ZFR: variants seen among roughly 807,000 people sequenced by gnomAD.
ZFR encodes zinc finger RNA binding protein.
ZFR carries 19 observed loss-of-function variants against 130.7 expected under a neutral mutation model. That is an observed-to-expected ratio of 0.15 (90% CI 0.10 to 0.21). ZFR has a LOEUF of 0.21. Ranked by LOEUF, ZFR falls within the 10% of genes least tolerant of loss-of-function variation. The pLI is 1.00. For missense variants in ZFR, 872 were observed against 1,321.5 expected (o/e 0.66, Z 5.27); for synonymous variants, 466 against 456.9 (o/e 1.02, Z -0.25).
intron 2 of ZFR, among the ~76,000 whole-genome samples, chr5:32,444,005 C>A (rs1438348078): frequency 6.6e-6 from 1 of 151,124 alleles, no homozygotes; most frequent in Non-Finnish European, 1.5e-5. Flanking sequence ...GCCGTCTCTA[C>A]CTCCCCCCTA....
At chr5:32,413,526 A>G (rs1236506531) in intron 5 of ZFR, among the ~76,000 whole-genome samples, 1 of 151,922 alleles carries the variant, frequency 6.6e-6, no homozygotes, top group African/African-American at 2.4e-5. Context: ...ATAAATAATA[A>G]TATATTACTC....
chr5:32,432,297 C>G (rs1022060634), intron 2 of ZFR, among the ~76,000 whole-genome samples: 4 of 152,132 alleles, frequency 2.6e-5, no homozygotes, highest in African/African-American at 9.7e-5. Flanking sequence ...ATATACCTTT[C>G]AGGGCAATAC....
At chr5:32,362,359 A>G (rs1460527366) in intron 19 of ZFR, among the ~76,000 whole-genome samples, 1 of 152,214 alleles carries the variant, frequency 6.6e-6, no homozygotes, top group African/African-American at 2.4e-5. Context: ...GTGGCATACA[A>G]GAATAAAGGT....
Position 32,387,538 on chromosome 5 carries a change from A to G in ZFR, c.2499+11T>C, listed in dbSNP as rs1186118933. On this transcript the variant is annotated intron_variant, in intron 14 of 19. Coordinates refer to ENST00000265069, the MANE Select transcript of ZFR (RefSeq NM_016107.5). ...ACAAGGGGTAAAAATGAACATTTCC[A>G]TAATACTTACAGCAAGCTGTTTGGG... The G allele has an allele frequency of 8.1e-6, 13 of 1,611,150 alleles. No homozygotes were observed. Among genetic ancestry groups the G allele is most frequent in the Non-Finnish European group, 1.1e-5 (13 of 1,178,728 alleles).
At chr5:32,400,660 TG>T (rs1196011197) in intron 8 of ZFR, among the ~76,000 whole-genome samples, 1 of 152,146 alleles carries the variant, frequency 6.6e-6, no homozygotes, top group East Asian at 1.9e-4. Context: ...CCTAGAAGTT[TG>T]AGACCAGCCG....
chr5:32,361,275 C>T (rs1752425195), intron 19 of ZFR, among the ~76,000 whole-genome samples: 1 of 152,308 alleles, frequency 6.6e-6, no homozygotes, highest in African/African-American at 2.4e-5. Context: ...AATTTTGGCT[C>T]ATACACCTGC....
At chr5:32,408,596 C>T (rs967146526) in intron 5 of ZFR, among the ~76,000 whole-genome samples, 16 of 152,116 alleles carry the variant, frequency 1.1e-4, no homozygotes, top group Non-Finnish European at 1.8e-4. Flanking sequence ...AAAATTTAAA[C>T]TATACATGTT....
At chr5:32,416,887 T>C (rs1753838734) in intron 4 of ZFR, among the ~76,000 whole-genome samples, 1 of 147,220 alleles carries the variant, frequency 6.8e-6, no homozygotes, top group Admixed American at 7.0e-5. Context: ...CCTTCAAAAA[T>C]AATTAAAGGA....
chr5:32,388,443 C>T (rs1310529921), intron 13 of ZFR, 26 bp downstream of exon 13: 6 of 1,604,884 alleles, frequency 3.7e-6, no homozygotes, highest in African/African-American at 1.3e-5. Context: ...CAAAATTACA[C>T]ATGGTAAATA....
At chr5:32,425,748 A>G (rs1366794439) in intron 2 of ZFR, among the ~76,000 whole-genome samples, 1 of 152,102 alleles carries the variant, frequency 6.6e-6, no homozygotes, top group Non-Finnish European at 1.5e-5. Context: ...CTGGTCTCAA[A>G]CTCCTGACCT....
At chr5:32,361,412 T>G (rs1752427768) in intron 19 of ZFR, among the ~76,000 whole-genome samples, 1 of 152,196 alleles carries the variant, frequency 6.6e-6, no homozygotes, top group African/African-American at 2.4e-5. Flanking sequence ...ATAAGACTGT[T>G]AACTTCCCAG....
intron 19 of ZFR, among the ~76,000 whole-genome samples, chr5:32,356,935 AC>A (rs1752329522): frequency 1.3e-5 from 2 of 152,218 alleles, no homozygotes; most frequent in African/African-American, 4.8e-5. Context: ...CCTTCTGGAT[AC>A]TATAAACAGA....
intron 9 of ZFR, 128 bp from the exon 10 acceptor site, chr5:32,397,466 T>C (rs1319167554): frequency 1.6e-6 from 2 of 1,234,680 alleles, no homozygotes; most frequent in African/African-American, 3.0e-5. Context: ...CATTTTTTTT[T>C]TCCCCAGGAC....
intron 2 of ZFR, among the ~76,000 whole-genome samples, chr5:32,443,634 T>C (rs1430868228): frequency 6.6e-6 from 1 of 152,254 alleles, no homozygotes; most frequent in Non-Finnish European, 1.5e-5. Context: ...CACCCGCAGT[T>C]TGTCAGCAGG....
rs148192564 is a variant in ZFR at position 32,405,991 on chromosome 5, G to A, written c.1032+783C>T. On this transcript the variant is annotated intron_variant, in intron 6 of 19. Transcript: ENST00000265069. ...TGAGAGATGGATATAACTTGGAGAA[G>A]CTAGTAGAGAGTCAAAATTGGTTGT... Among the ~76,000 whole-genome samples the A allele has an allele frequency of 2.3e-3, 347 of 152,288 alleles. 3 individuals carry two copies. The highest frequency in any genetic ancestry group is 7.6e-3 in the African/African-American group (317 of 41,558).
chr5:32,396,425 C>T (rs898589430), intron 10 of ZFR, among the ~76,000 whole-genome samples: 11 of 151,764 alleles, frequency 7.2e-5, no homozygotes, highest in Non-Finnish European at 1.5e-4. Context: ...GGATCTAGTA[C>T]ATCAATCTAG....
At chr5:32,390,791 G>C (rs1753150687) in intron 11 of ZFR, among the ~76,000 whole-genome samples, 1 of 152,172 alleles carries the variant, frequency 6.6e-6, no homozygotes, top group Non-Finnish European at 1.5e-5. Context: ...TCAACATTTG[G>C]GAATTTTCTT....
At chr5:32,436,819 T>TA (rs756489290) in intron 2 of ZFR, among the ~76,000 whole-genome samples, 1 of 152,202 alleles carries the variant, frequency 6.6e-6, no homozygotes, top group Non-Finnish European at 1.5e-5. Context: ...ATGGAGAATG[T>TA]AAAAACCTCC....
intron 2 of ZFR, among the ~76,000 whole-genome samples, chr5:32,422,924 C>CA (rs1335984338): frequency 6.6e-6 from 1 of 150,388 alleles, no homozygotes; most frequent in Non-Finnish European, 1.5e-5. Context: ...ACAGAGTACA[C>CA]ACACTCTATA....
Sources: gnomAD v4.1 joint callset for allele counts (sites outside exome capture counted in the v4.1 genomes callset) on GRCh38, gnomAD v4.1.1 for gene constraint, MANE v1.5 for transcripts, NCBI Gene and HGNC (gene_info 2026-07-23, HGNC 2026-07-21) for gene names.